The following RERE variants were observed in gnomAD, a reference collection of about 807,000 sequenced individuals.
RERE encodes the protein arginine-glutamic acid dipeptide repeats.
Under a neutral mutation model 146.1 loss-of-function variants are expected in RERE, and 40 were observed. The observed-to-expected ratio is 0.27, with a 90% CI of 0.21 to 0.36. The LOEUF is 0.36. Among genes scored for constraint, RERE ranks in the 10% least tolerant of loss-of-function variants. The pLI, the probability that RERE is intolerant of heterozygous loss-of-function variation, is 1.00. For synonymous variants in RERE, 1,003 were observed against 866.0 expected, an observed-to-expected ratio of 1.16 and a Z score of -2.78; for missense variants, 1,933 against 2,138.7, an observed-to-expected ratio of 0.90 and a Z score of 1.90.
At chr1:8,553,934 T>G (rs1283981450) in intron 6 of RERE, among the ~76,000 whole-genome samples, 1 of 152,156 alleles carries the variant, frequency 6.6e-6, no homozygotes, top group East Asian at 1.9e-4. Flanking sequence ...TCCCAGCACT[T>G]TGGGAGGCTG....
chr1:8,754,872 T>C (rs188727525), intron 1 of RERE, among the ~76,000 whole-genome samples: 6 of 152,372 alleles, frequency 3.9e-5, no homozygotes, highest in African/African-American at 7.2e-5. Flanking sequence ...CTTCTTCAGA[T>C]TGGTACATGT....
intron 4 of RERE, among the ~76,000 whole-genome samples, chr1:8,611,549 G>A (rs1646793796): frequency 6.6e-6 from 1 of 152,010 alleles, no homozygotes; most frequent in African/African-American, 2.4e-5. Context: ...AAATAAAACA[G>A]TTCAAACCAC....
chr1:8,560,998 G>A (rs1646071808), intron 4 of RERE, among the ~76,000 whole-genome samples: 1 of 152,170 alleles, frequency 6.6e-6, no homozygotes, highest in Non-Finnish European at 1.5e-5. Context: ...ATACCTTTTA[G>A]ATACAGTAAC....
intron 2 of RERE, among the ~76,000 whole-genome samples, chr1:8,651,014 T>C (rs1647601547): frequency 6.6e-6 from 1 of 152,178 alleles, no homozygotes. Flanking sequence ...GGAGAATTGC[T>C]TGAACCCAGG....
chr1:8,575,347 A>G (rs928228738), intron 4 of RERE, among the ~76,000 whole-genome samples: 4 of 151,846 alleles, frequency 2.6e-5, no homozygotes, highest in Admixed American at 6.6e-5. Context: ...CCTTTCCATA[A>G]AATATTAACT....
Position 8,628,241 on chromosome 1 carries a change from C to G in RERE, c.326-3861G>C, listed in dbSNP as rs374355850. On this transcript the variant is annotated intron_variant, in intron 2 of 22. Coordinates refer to ENST00000400908, the MANE Select transcript of RERE (RefSeq NM_001042681.2). Reference sequence around the variant, plus strand: ...ATGAAAAAGTTAGAGAAGCTCACTGCAAAATTAAGTGACAAAACTTACAGT... The same window carrying G: ...ATGAAAAAGTTAGAGAAGCTCACTGGAAAATTAAGTGACAAAACTTACAGT... Among the ~76,000 whole-genome samples, 9 of 151,768 alleles carry G rather than the reference C, an allele frequency of 5.9e-5. No individual in the cohort carries two copies. The South Asian group carries it at 1.0e-3, about 18-fold the overall frequency.
chr1:8,522,733 C>T (rs1472531621), intron 7 of RERE, among the ~76,000 whole-genome samples: 2 of 152,034 alleles, frequency 1.3e-5, no homozygotes. Context: ...ATTAGCCAGG[C>T]ATGGTGGCAG....
intron 12 of RERE, among the ~76,000 whole-genome samples, chr1:8,367,660 T>A (rs72864286): frequency 0.018 from 2,756 of 152,084 alleles, 100 homozygotes; most frequent in African/African-American, 0.064. Context: ...CTCGGTTCCA[T>A]GAGATGGTAA....
intron 1 of RERE, among the ~76,000 whole-genome samples, chr1:8,764,424 A>C (rs915163141): frequency 3.9e-5 from 6 of 152,188 alleles, no homozygotes; most frequent in Non-Finnish European, 7.3e-5. Flanking sequence ...TTAAATGTTT[A>C]AAAACAAAAA....
chr1:8,633,564 G>A (rs1247193816), intron 2 of RERE, among the ~76,000 whole-genome samples: 1 of 152,178 alleles, frequency 6.6e-6, no homozygotes, highest in Non-Finnish European at 1.5e-5. Context: ...TTTCATGGAA[G>A]AGGAAACATC....
At chr1:8,401,046 T>TATATATATATATACACATAC (rs2124440972) in intron 12 of RERE, among the ~76,000 whole-genome samples, 1 of 55,274 alleles carries the variant, frequency 1.8e-5, no homozygotes, top group African/African-American at 7.9e-5. Flanking sequence ...ACCATATATA[T>TATATATATATATACACATAC]ATATATATAT....
intron 11 of RERE, among the ~76,000 whole-genome samples, chr1:8,428,958 T>C (rs1337452574): frequency 6.6e-6 from 1 of 152,096 alleles, no homozygotes; most frequent in Admixed American, 6.5e-5. Context: ...CTCTCCACCT[T>C]TGGGATGGCA....
chr1:8,589,310 C>G (rs1165636587), intron 4 of RERE, among the ~76,000 whole-genome samples: 4 of 151,422 alleles, frequency 2.6e-5, no homozygotes, highest in African/African-American at 9.7e-5. Context: ...TATGGTGGTG[C>G]ATGCCTGTAA....
chr1:8,691,609 TCAAA>T (rs1187634024), intron 1 of RERE, among the ~76,000 whole-genome samples: 2 of 152,188 alleles, frequency 1.3e-5, no homozygotes, highest in Middle Eastern at 3.2e-3. Context: ...ATTTATGTAC[TCAAA>T]CAGTCACAAA....
chr1:8,646,566 A>C (rs1382918965), intron 2 of RERE, among the ~76,000 whole-genome samples: 4 of 152,070 alleles, frequency 2.6e-5, no homozygotes, highest in East Asian at 1.9e-4. Flanking sequence ...CAAAAAAAAA[A>C]CAGGGTCATC....
intron 8 of RERE, among the ~76,000 whole-genome samples, chr1:8,507,761 CAG>C (rs1201126325): frequency 0.04 from 251 of 6,250 alleles, 2 homozygotes; most frequent in African/African-American, 0.25. Flanking sequence ...TTTTTTGAGA[CAG>C]AGTCTTGCTC....
At chr1:8,408,812 G>C (rs563541272) in intron 12 of RERE, among the ~76,000 whole-genome samples, 1 of 152,146 alleles carries the variant, frequency 6.6e-6, no homozygotes, top group African/African-American at 2.4e-5. Context: ...GACTCCTGCC[G>C]TGAGTGCTGC....
intron 12 of RERE, among the ~76,000 whole-genome samples, chr1:8,393,410 G>T (rs773180079): frequency 3.9e-5 from 6 of 152,136 alleles, no homozygotes; most frequent in Non-Finnish European, 7.4e-5. Flanking sequence ...TTTCTGATTG[G>T]ACCGTAGCAT....
intron 1 of RERE, among the ~76,000 whole-genome samples, chr1:8,744,020 A>AAAT (rs1640369526): frequency 2.6e-5 from 4 of 152,194 alleles, no homozygotes; most frequent in Non-Finnish European, 4.4e-5. Flanking sequence ...GAAGCACAGT[A>AAAT]GGTGCTCAAT....
Sources: gnomAD v4.1 joint callset for allele counts (sites outside exome capture counted in the v4.1 genomes callset) on GRCh38, gnomAD v4.1.1 for gene constraint, MANE v1.5 for transcripts, NCBI Gene and HGNC (gene_info 2026-07-23, HGNC 2026-07-21) for gene names.